MAN1C1: variants seen among roughly 807,000 people sequenced by gnomAD.
The protein encoded by MAN1C1 is mannosidase alpha class 1C member 1.
In MAN1C1, 49 loss-of-function variants were observed where a neutral mutation model predicts 71.5. The ratio of observed to expected loss-of-function variants is 0.69; its 90% confidence interval spans 0.54 to 0.87. MAN1C1 has a LOEUF of 0.87. Among genes scored for constraint, MAN1C1 ranks in the 40% least tolerant of loss-of-function variants. The probability of loss-of-function intolerance (pLI) is 0.00; values close to 1 mark genes in which losing one functional copy is unlikely to be tolerated. For missense variants in MAN1C1, 743 were observed against 835.0 expected, an observed-to-expected ratio of 0.89 and a Z score of 1.36; for synonymous variants, 352 against 343.7, an observed-to-expected ratio of 1.02 and a Z score of -0.27.
At chr1:25,672,660 A>G (rs757616390) in intron 1 of MAN1C1, among the ~76,000 whole-genome samples, 1 of 152,122 alleles carries the variant, frequency 6.6e-6, no homozygotes, top group Non-Finnish European at 1.5e-5. Context: ...CCCTCTCCCC[A>G]AGTCAGCTGA....
intron 2 of MAN1C1, among the ~76,000 whole-genome samples, chr1:25,688,107 A>G (rs1438065806): frequency 1.3e-5 from 2 of 152,176 alleles, no homozygotes; most frequent in Admixed American, 1.3e-4. Context: ...TTTTTTTGCT[A>G]TTAAAAATAA....
intron 2 of MAN1C1, among the ~76,000 whole-genome samples, chr1:25,701,231 C>T (rs2046438189): frequency 6.6e-6 from 1 of 152,216 alleles, no homozygotes; most frequent in Non-Finnish European, 1.5e-5. Flanking sequence ...AAAGCCTGCA[C>T]CTGCTCAGGC....
intron 6 of MAN1C1, among the ~76,000 whole-genome samples, chr1:25,762,696 G>A (rs1054352202): frequency 1.3e-5 from 2 of 151,914 alleles, no homozygotes; most frequent in Admixed American, 6.6e-5. Context: ...CCAAAGTGCT[G>A]GGATTATAGG....
Position 25,778,696 on chromosome 1 carries a change from C to G in MAN1C1, c.1477+372C>G, listed in dbSNP as rs548474645. On this transcript the variant is annotated intron_variant, in intron 9 of 11. Transcript: ENST00000374332. This position sits in a 1 kb window ranked among gnomAD's most constrained non-coding sequence, Gnocchi z 5.5. ...GGCAGAAACGGCGGCTTCCTGAGCC[C>G]GGCACATGTCCCACCCTGAGTCTCC... Among the ~76,000 whole-genome samples the G allele has an allele frequency of 2.0e-5, 3 of 152,262 alleles. No homozygotes were observed. The highest frequency in any genetic ancestry group is 3.9e-4 in the East Asian group (2 of 5,186).
intron 2 of MAN1C1, among the ~76,000 whole-genome samples, chr1:25,712,335 A>AAAGCCCCTGGGG (rs929168738): frequency 6.6e-5 from 10 of 152,306 alleles, no homozygotes; most frequent in Admixed American, 5.2e-4. Context: ...CACTTGCTGT[A>AAAGCCCCTGGGG]AAGCCCCTGG....
At chr1:25,768,487 C>CCCA (rs2047489670) in intron 7 of MAN1C1, among the ~76,000 whole-genome samples, 1 of 123,106 alleles carries the variant, frequency 8.1e-6, no homozygotes, top group Non-Finnish European at 1.7e-5. Flanking sequence ...ACACACTCCC[C>CCCA]CACACAGACC....
At chr1:25,679,452 A>G (rs2046115227) in intron 1 of MAN1C1, among the ~76,000 whole-genome samples, 1 of 152,078 alleles carries the variant, frequency 6.6e-6, no homozygotes, top group Non-Finnish European at 1.5e-5. Context: ...GAGACTGACA[A>G]TGGCCACATT....
rs986078550 is a variant in MAN1C1 at position 25,704,417 on chromosome 1, C to G, written c.637+17881C>G. On this transcript the variant is annotated intron_variant, in intron 2 of 11. Coordinates refer to ENST00000374332, the MANE Select transcript of MAN1C1 (RefSeq NM_020379.4). ...TCCTATCCTTAGACCCAATCCCAGA[C>G]AGCAGGACCATGTGGCTCCCAATGT... Among the ~76,000 whole-genome samples, 4 of 152,374 alleles carry G rather than the reference C, an allele frequency of 2.6e-5. No homozygotes were observed. In the East Asian group the frequency reaches 7.7e-4, roughly 29 times the overall value.
chr1:25,666,754 C>T (rs1308971897), intron 1 of MAN1C1, among the ~76,000 whole-genome samples: 1 of 152,232 alleles, frequency 6.6e-6, no homozygotes, highest in Non-Finnish European at 1.5e-5. Flanking sequence ...AAATCTCAGC[C>T]AGGCCTTTCT....
intron 4 of MAN1C1, among the ~76,000 whole-genome samples, chr1:25,752,532 A>G (rs1224404875): frequency 6.6e-6 from 1 of 152,164 alleles, no homozygotes; most frequent in African/African-American, 2.4e-5. Flanking sequence ...CCACTTTCCT[A>G]TTGTTTGATA....
rs182561553 is a variant in MAN1C1 at position 25,730,657 on chromosome 1, G to C, written c.638-16011G>C. Among the ~76,000 whole-genome samples the C allele has an allele frequency of 3.9e-4, 59 of 152,336 alleles. No individual in the cohort carries two copies. Among genetic ancestry groups the C allele is most frequent in the African/African-American group, 1.4e-3 (57 of 41,580 alleles). On this transcript the variant is annotated intron_variant, in intron 2 of 11. Coordinates refer to ENST00000374332, the MANE Select transcript of MAN1C1 (RefSeq NM_020379.4). The surrounding 1 kb of genome is among the most constrained non-coding windows in gnomAD (Gnocchi z 4.3). ...CATTTGTGAATTGTTTGGGCACTGA[G>C]GTCTGAAACAGAGGCAGTTCTTGCC...
At chr1:25,726,156 T>C (rs921793568) in intron 2 of MAN1C1, among the ~76,000 whole-genome samples, 5 of 152,166 alleles carry the variant, frequency 3.3e-5, no homozygotes, top group African/African-American at 1.2e-4. Flanking sequence ...CTGGTTTGCT[T>C]GGATCTCTGC....
chr1:25,639,040 C>A (rs1057270547), intron 1 of MAN1C1, among the ~76,000 whole-genome samples: 7 of 151,932 alleles, frequency 4.6e-5, no homozygotes, highest in Non-Finnish European at 8.8e-5. Context: ...CATTTTTTTT[C>A]TTTGGTCTTC....
intron 1 of MAN1C1, among the ~76,000 whole-genome samples, chr1:25,627,321 G>A (rs796329674): frequency 8.0e-5 from 12 of 150,628 alleles, no homozygotes; most frequent in African/African-American, 2.2e-4. Context: ...TCGCTTTGTC[G>A]CCCAGGCTGG....
intron 1 of MAN1C1, among the ~76,000 whole-genome samples, chr1:25,619,196 C>T (rs1027575082): frequency 2.6e-5 from 4 of 152,182 alleles, no homozygotes; most frequent in African/African-American, 4.8e-5. Context: ...GAACTGCCTG[C>T]GTGCGGATGG....
In MAN1C1 at chr1:25,617,962, C is replaced by G. The variant is rs771466208; in HGVS notation, c.165C>G (p.Ala55=). The G allele has an allele frequency of 6.2e-7, 1 of 1,608,854 alleles. No individual in the cohort carries two copies. The highest frequency in any genetic ancestry group is 8.5e-7 in the Non-Finnish European group (1 of 1,178,248). Residue 55 remains alanine (A), a synonymous_variant, in exon 1 of 12, where the codon GCC becomes GCG. Coordinates refer to ENST00000374332, the MANE Select transcript of MAN1C1 (RefSeq NM_020379.4). The surrounding 1 kb of genome is among the most constrained non-coding windows in gnomAD (Gnocchi z 5.1). ...HSSRLKRLFL[A]PRTQQPGLEV... is the part of the protein sequence containing the mutation. ...CTCGCCTCAAGCGCCTCTTCCTGGCCCCCCGGACCCAGCAGCCTGGTCTGG... is the reference window on the plus strand; with the variant it reads ...CTCGCCTCAAGCGCCTCTTCCTGGCGCCCCGGACCCAGCAGCCTGGTCTGG...
chr1:25,645,619 C>G (rs1232524088), intron 1 of MAN1C1: 1 of 152,214 alleles, frequency 6.6e-6, no homozygotes, highest in African/African-American at 2.4e-5. Flanking sequence ...ACACCATGTT[C>G]CTCTCAGTTT....
At chr1:25,729,057 C>T (rs907146703) in intron 2 of MAN1C1, among the ~76,000 whole-genome samples, 3 of 152,236 alleles carry the variant, frequency 2.0e-5, no homozygotes, top group Admixed American at 1.3e-4. Context: ...ACATGGTTTG[C>T]TCATGGCCCA....
chr1:25,629,384 G>T (rs186938304), intron 1 of MAN1C1, among the ~76,000 whole-genome samples: 261 of 152,056 alleles, frequency 1.7e-3, no homozygotes, highest in Non-Finnish European at 2.8e-3. Context: ...ATGTTTCTTG[G>T]CCATTTGTGT....
Sources: allele counts gnomAD v4.1 joint callset (sites outside exome capture counted in the v4.1 genomes callset), GRCh38; gene constraint gnomAD v4.1.1; non-coding constraint Gnocchi (gnomAD v3.1); transcripts MANE v1.5; gene names NCBI Gene and HGNC (gene_info 2026-07-23, HGNC 2026-07-21).